The following BEGAIN variants were observed in gnomAD, a reference collection of about 807,000 sequenced individuals.
The protein encoded by BEGAIN is brain enriched guanylate kinase associated, also known as brain-enriched guanylate kinase-associated protein.
A neutral mutation model predicts 35.8 loss-of-function variants in BEGAIN; 19 were observed. The observed-to-expected ratio is 0.53, with a 90% CI of 0.37 to 0.78. BEGAIN has a LOEUF of 0.78. Ranked by LOEUF, BEGAIN falls within the 30% of genes least tolerant of loss-of-function variation. The pLI is 0.00. For missense variants in BEGAIN, 795 were observed against 853.6 expected (o/e 0.93, Z 0.85); for synonymous variants, 462 against 388.6 (o/e 1.19, Z -2.22).
rs1389635111 is a variant in BEGAIN at position 100,538,101 on chromosome 14, C to T, written c.1707G>A (p.Met569Ile). Reference sequence around the variant, plus strand: ...CAGGATGCATTTCCGGGGAGGCCTCCATGGAGCTCGGCTCCAAGGAGTCCC... The same window carrying T: ...CAGGATGCATTTCCGGGGAGGCCTCTATGGAGCTCGGCTCCAAGGAGTCCC... Reference protein sequence around the residue: ...GSRDSLEPSSMEASPEMHPAA... With the variant: ...GSRDSLEPSSIEASPEMHPAA... The change falls in exon 7 of 7, where the codon ATG becomes ATA. Residue 569 changes from methionine (M) to isoleucine (I), a missense_variant. Transcript: ENST00000554140. 1 of 1,577,780 alleles carries T rather than the reference C, an allele frequency of 6.3e-7. No homozygotes were observed. The highest frequency in any genetic ancestry group is 1.2e-5 in the South Asian group (1 of 85,782).
intron 1 of BEGAIN, chr14:100,577,555 G>A (rs1327679310): frequency 2.5e-6 from 1 of 398,976 alleles, no homozygotes; most frequent in Non-Finnish European, 4.4e-6. Flanking sequence ...GCGGCCTCTG[G>A]GCACCCTGAA....
intron 1 of BEGAIN, among the ~76,000 whole-genome samples, chr14:100,570,108 T>C (rs1235595327): frequency 6.6e-6 from 1 of 152,214 alleles, no homozygotes; most frequent in Admixed American, 6.5e-5. Flanking sequence ...AAAGGCTGTC[T>C]CTGGTTGCCA....
rs569388098 is a variant in BEGAIN at position 100,578,768 on chromosome 14, A to G, written c.42+8481T>C. On this transcript the variant is annotated intron_variant, in intron 1 of 6. Coordinates refer to ENST00000554140, the MANE Select transcript of BEGAIN (RefSeq NM_001385089.1). ...TTGTGGCAGCAGCCATATATAAAAG[A>G]TGGAGGAGCAGAAAGACAAAAGGAA... Among the ~76,000 whole-genome samples the G allele has an allele frequency of 8.6e-4, 131 of 152,124 alleles. 1 individual carries two copies. Among genetic ancestry groups the G allele is most frequent in the African/African-American group, 2.9e-3 (121 of 41,508 alleles).
intron 2 of BEGAIN, among the ~76,000 whole-genome samples, chr14:100,560,517 G>A (rs1004440885): frequency 2.0e-5 from 3 of 152,176 alleles, no homozygotes; most frequent in Admixed American, 1.3e-4. Flanking sequence ...CTGGGGTGGT[G>A]TGTGGCCAGG....
rs111552785 is a variant in BEGAIN at position 100,565,908 on chromosome 14, C to T, written c.71+2003G>A. ...GTCTGTGGGACCCCAAACCCTGTGC[C>T]CTTCTGTGCAGGAAGCCATGCTGAC... On this transcript the variant is annotated intron_variant, in intron 2 of 6. Coordinates refer to ENST00000554140, the MANE Select transcript of BEGAIN (RefSeq NM_001385089.1). Among the ~76,000 whole-genome samples the T allele has an allele frequency of 4.7e-4, 72 of 152,358 alleles. 1 individual carries two copies. The highest frequency in any genetic ancestry group is 1.7e-3 in the African/African-American group (72 of 41,582).
At chr14:100,552,617 C>T (rs1481235382) in intron 2 of BEGAIN, among the ~76,000 whole-genome samples, 2 of 152,184 alleles carry the variant, frequency 1.3e-5, no homozygotes, top group African/African-American at 4.8e-5. Context: ...TGCTGAGAGG[C>T]CTGCCGAAGT....
At chr14:100,556,171 C>T (rs1472141375) in intron 2 of BEGAIN, among the ~76,000 whole-genome samples, 2 of 152,000 alleles carry the variant, frequency 1.3e-5, no homozygotes, top group African/African-American at 4.8e-5. Context: ...TGCTCCCCTG[C>T]CCTCCCCTCC....
At position 100,587,318 on chromosome 14, in the gene BEGAIN, G is replaced by GCCGCCGCCGCTA. The variant is rs1241072475; in HGVS notation, c.-40_-29dup. 6.7e-6 allele frequency: 1 copy of GCCGCCGCCGCTA among 150,304 alleles called. No homozygotes were observed. Among genetic ancestry groups the GCCGCCGCCGCTA allele is most frequent in the Non-Finnish European group, 1.5e-5 (1 of 68,680 alleles). 9.3% of individuals were successfully genotyped at this position (150,304 alleles called of 1,614,324 possible). A position where few individuals can be genotyped will look rare whatever the true frequency, so the allele number is the denominator to read the frequency against. ...CCCCAGGGCAGCCGCGCCGCTCACC[G>GCCGCCGCCGCTA]CCGCCGCCGCTACCGCCGCCCCCTC... On this transcript the variant is annotated 5_prime_UTR_variant, in exon 1 of 7. Coordinates refer to ENST00000554140, the MANE Select transcript of BEGAIN (RefSeq NM_001385089.1).
At position 100,568,054 on chromosome 14, in the gene BEGAIN, G is replaced by A. The variant is rs1421962241; in HGVS notation, c.43-115C>T. Reference sequence around the variant, plus strand: ...GGCAACCCCGCGGGGCCCCGTCCGTGGGAAGCCCGGCGCCGCGCGTCCCCA... The same window carrying A: ...GGCAACCCCGCGGGGCCCCGTCCGTAGGAAGCCCGGCGCCGCGCGTCCCCA... On this transcript the variant is annotated intron_variant, in intron 1 of 6. Coordinates refer to ENST00000554140, the MANE Select transcript of BEGAIN (RefSeq NM_001385089.1). The surrounding 1 kb of genome is among the most constrained non-coding windows in gnomAD (Gnocchi z 7.5). The A allele has an allele frequency of 8.9e-7, 1 of 1,119,444 alleles. No homozygotes were observed. The highest frequency in any genetic ancestry group is 5.4e-5 in the East Asian group (1 of 18,398). The allele number at this position is 1,119,444 out of a possible 1,614,324, so 69.3% of individuals were successfully genotyped here. A position where few individuals can be genotyped will look rare whatever the true frequency, so the allele number is the denominator to read the frequency against.
At position 100,538,797 on chromosome 14, in the gene BEGAIN, C is replaced by A. The variant is rs772540238; in HGVS notation, c.1011G>T (p.Leu337=). The A allele has an allele frequency of 6.3e-7, 1 of 1,599,414 alleles. No individual in the cohort carries two copies. The highest frequency in any genetic ancestry group is 1.1e-5 in the South Asian group (1 of 88,642). Residue 337 remains leucine (L), a synonymous_variant, in exon 7 of 7, where the codon CTG becomes CTT. Coordinates refer to ENST00000554140, the MANE Select transcript of BEGAIN (RefSeq NM_001385089.1). The part of the protein sequence containing the change: ...EEKEHAQAST[L]TASQQAIYLN... ...GGTAGATGGCCTGCTGCGACGCGGT[C>A]AGCGTGCTGGCCTGCGCGTGCTCCT... is the stretch of plus-strand genomic sequence containing the variant.
chr14:100,546,759 T>G, intron 2 of BEGAIN, 97 bp from the exon 3 acceptor site: 2 of 1,175,246 alleles, frequency 1.7e-6, no homozygotes, highest in Non-Finnish European at 1.1e-6. Flanking sequence ...AACACGCGAG[T>G]ACCGGCGCGC....
chr14:100,565,058 G>A (rs997059049), intron 2 of BEGAIN, among the ~76,000 whole-genome samples: 30 of 152,324 alleles, frequency 2.0e-4, no homozygotes, highest in African/African-American at 6.7e-4. Context: ...AGAGCATTGT[G>A]GGCAAACCCC....
At chr14:100,544,865 A>G in intron 4 of BEGAIN, 135 bp downstream of exon 4, 2 of 901,726 alleles carry the variant, frequency 2.2e-6, no homozygotes, top group Non-Finnish European at 3.5e-6. Context: ...CCTGCTCCAC[A>G]TGTTCCATGG....
intron 2 of BEGAIN, chr14:100,548,353 C>T (rs1198792298): frequency 1.3e-5 from 2 of 152,184 alleles, no homozygotes; most frequent in Non-Finnish European, 2.9e-5. Flanking sequence ...CTATGCCATC[C>T]TGGGCTCCTA....
Position 100,568,665 on chromosome 14 carries a change from T to A in BEGAIN, c.43-726A>T. Reference sequence around the variant, plus strand: ...CAGCCCCGCTCAGCCGGGCAGCCCCTCCGCGCGCCGGGCAGGGGGACCCAC... The same window carrying A: ...CAGCCCCGCTCAGCCGGGCAGCCCCACCGCGCGCCGGGCAGGGGGACCCAC... On this transcript the variant is annotated intron_variant, in intron 1 of 6. Coordinates refer to ENST00000554140, the MANE Select transcript of BEGAIN (RefSeq NM_001385089.1). This position sits in a 1 kb window ranked among gnomAD's most constrained non-coding sequence, Gnocchi z 7.5. 1 of 509,356 alleles carries A rather than the reference T, an allele frequency of 2.0e-6. No homozygotes were observed. Among genetic ancestry groups the A allele is most frequent in the Non-Finnish European group, 2.5e-6 (1 of 395,566 alleles). 31.6% of individuals were successfully genotyped at this position (509,356 alleles called of 1,614,324 possible). A position where few individuals can be genotyped will look rare whatever the true frequency, so the allele number is the denominator to read the frequency against.
chr14:100,563,275 C>G lies in BEGAIN; in HGVS notation c.71+4636G>C, dbSNP rs2034429336. On this transcript the variant is annotated intron_variant, in intron 2 of 6. Coordinates refer to ENST00000554140, the MANE Select transcript of BEGAIN (RefSeq NM_001385089.1). This position sits in a 1 kb window ranked among gnomAD's most constrained non-coding sequence, Gnocchi z 4.2. ...AACCAAAAAGGAGCTCAACCTTGAC[C>G]TCTAACCACATGCAAACCCAAGTTC... Among the ~76,000 whole-genome samples the G allele has an allele frequency of 6.6e-6, 1 of 152,240 alleles. No homozygotes were observed. Among genetic ancestry groups the G allele is most frequent in the Non-Finnish European group, 1.5e-5 (1 of 68,042 alleles).
In BEGAIN at chr14:100,584,805, T is replaced by A. The variant is rs1382398516; in HGVS notation, c.42+2444A>T. Among the ~76,000 whole-genome samples the A allele has an allele frequency of 3.3e-5, 5 of 151,992 alleles. No individual in the cohort carries two copies. The East Asian group carries it at 9.6e-4, about 29-fold the overall frequency. ...AGGGCTGCAGACCTCCGTCCAGGCC[T>A]CTCCACTAAGGCTAGCGACCAGCTC... On this transcript the variant is annotated intron_variant, in intron 1 of 6. Coordinates refer to ENST00000554140, the MANE Select transcript of BEGAIN (RefSeq NM_001385089.1).
intron 2 of BEGAIN, among the ~76,000 whole-genome samples, chr14:100,550,766 C>G (rs11846581): frequency 0.25 from 38,485 of 152,166 alleles, 5,264 homozygotes; most frequent in African/African-American, 0.34. Context: ...CCCAGCTCAG[C>G]GGTGGCACTG....
intron 4 of BEGAIN, among the ~76,000 whole-genome samples, 191 bp downstream of exon 4, chr14:100,544,809 A>G (rs1008325175): frequency 1.3e-5 from 2 of 152,204 alleles, no homozygotes; most frequent in African/African-American, 4.8e-5. Context: ...CAGGCAGCAC[A>G]GGGCAGCCCT....
Sources: allele counts gnomAD v4.1 joint callset (sites outside exome capture counted in the v4.1 genomes callset), GRCh38; gene constraint gnomAD v4.1.1; non-coding constraint Gnocchi (gnomAD v3.1); transcripts MANE v1.5; gene names NCBI Gene and HGNC (gene_info 2026-07-23, HGNC 2026-07-21).